TRPC5: variants seen among roughly 807,000 people sequenced by gnomAD.
TRPC5 encodes transient receptor potential cation channel subfamily C member 5.
TRPC5 carries 9 observed loss-of-function variants against 56.5 expected under a neutral mutation model. The ratio of observed to expected loss-of-function variants is 0.16; its 90% CI spans 0.10 to 0.28. TRPC5 has a LOEUF of 0.28. Among genes scored for constraint, TRPC5 ranks in the 10% least tolerant of loss-of-function variants. The pLI is 1.00. For missense variants in TRPC5, 469 were observed against 748.9 expected, an observed-to-expected ratio of 0.63 and a Z score of 4.36; for synonymous variants, 282 against 278.5, an observed-to-expected ratio of 1.01 and a Z score of -0.13.
chrX:111,810,891 C>A lies in TRPC5; in HGVS notation c.1896+24030G>T, dbSNP rs183170373. Among the ~76,000 whole-genome samples the A allele has an allele frequency of 6.3e-5, 7 of 111,612 alleles. No homozygotes were observed. The East Asian group carries it at 2.0e-3, about 31-fold the overall frequency. ...AGAAGAATGGTTTTAACATTATTAC[C>A]TTATGGCAATAGGGAATAAAAAAAT... is the stretch of plus-strand genomic sequence containing the variant. On this transcript the variant is annotated intron_variant, in intron 7 of 10. Coordinates refer to ENST00000262839, the MANE Select transcript of TRPC5 (RefSeq NM_012471.3).
intron 1 of TRPC5, among the ~76,000 whole-genome samples, chrX:112,012,289 G>A (rs746683482): frequency 3.6e-5 from 4 of 111,968 alleles, no homozygotes; most frequent in Non-Finnish European, 7.5e-5. Context: ...ACTGCAGTTC[G>A]GTGTGATTCC....
At chrX:111,958,137 G>A (rs956855342) in intron 1 of TRPC5, among the ~76,000 whole-genome samples, 1 of 111,485 alleles carries the variant, frequency 9.0e-6, no homozygotes, top group African/African-American at 3.3e-5. Flanking sequence ...GATCACATAG[G>A]GGTCCTTACA....
chrX:112,064,679 G>A (rs1186807591), intron 1 of TRPC5, among the ~76,000 whole-genome samples: 4 of 112,175 alleles, frequency 3.6e-5, no homozygotes, highest in Non-Finnish European at 7.5e-5. Context: ...GAAAAGTTTA[G>A]GAATGAGTAT....
At chrX:112,028,716 A>T (rs1365643546) in intron 1 of TRPC5, among the ~76,000 whole-genome samples, 1 of 112,153 alleles carries the variant, frequency 8.9e-6, no homozygotes, top group Non-Finnish European at 1.9e-5. Flanking sequence ...TGCTATTGTG[A>T]ATAGTGCCAC....
intron 3 of TRPC5, among the ~76,000 whole-genome samples, chrX:111,900,120 C>G (rs1215649232): frequency 8.9e-6 from 1 of 111,765 alleles, no homozygotes; most frequent in East Asian, 2.8e-4. Flanking sequence ...AATCACAGAC[C>G]ATCTGGCTGA....
chrX:111,842,416 G>T (rs1206388729), intron 6 of TRPC5, among the ~76,000 whole-genome samples: 2 of 110,698 alleles, frequency 1.8e-5, no homozygotes, highest in Non-Finnish European at 3.8e-5. Context: ...GGGATTACAG[G>T]CATGAGCCAC....
chrX:112,005,350 G>T (rs758264193), intron 1 of TRPC5, among the ~76,000 whole-genome samples: 6 of 108,065 alleles, frequency 5.6e-5, no homozygotes, highest in African/African-American at 2.0e-4. Context: ...GAAAAATAAT[G>T]GGTACTAGGC....
chrX:111,840,504 T>A (rs962273417), intron 6 of TRPC5, among the ~76,000 whole-genome samples: 2 of 112,646 alleles, frequency 1.8e-5, no homozygotes, highest in African/African-American at 3.2e-5. Context: ...ATTCATTTTT[T>A]AAAAAATATT....
chrX:111,954,864 A>G (rs1927189806), intron 1 of TRPC5, among the ~76,000 whole-genome samples: 1 of 112,036 alleles, frequency 8.9e-6, no homozygotes, highest in East Asian at 2.8e-4. Flanking sequence ...ATTATGTGCC[A>G]GGCACTGTGC....
chrX:111,962,839 G>A (rs7886068), intron 1 of TRPC5, among the ~76,000 whole-genome samples: 6 of 111,408 alleles, frequency 5.4e-5, no homozygotes, highest in East Asian at 2.8e-4. Flanking sequence ...AGAAATTGCC[G>A]GGGGTGGAGC....
intron 1 of TRPC5, among the ~76,000 whole-genome samples, chrX:112,015,484 G>A (rs1402230581): frequency 4.5e-5 from 5 of 111,046 alleles, no homozygotes; most frequent in East Asian, 2.8e-4. Flanking sequence ...CTCTCAAAAC[G>A]TTGGGATTAC....
chrX:111,869,804 G>C (rs767302101), intron 3 of TRPC5, among the ~76,000 whole-genome samples: 1 of 111,152 alleles, frequency 9.0e-6, no homozygotes, highest in African/African-American at 3.3e-5. Flanking sequence ...ACAGAGGAGA[G>C]TTCTGGAAGT....
At chrX:111,999,526 C>CA (rs764795224) in intron 1 of TRPC5, among the ~76,000 whole-genome samples, 105 of 112,111 alleles carry the variant, frequency 9.4e-4, no homozygotes, top group Non-Finnish European at 1.7e-3. Context: ...TGTTGATGAG[C>CA]ACTTAGATTG....
chrX:112,003,607 G>A lies in TRPC5; in HGVS notation c.-21-51166C>T, dbSNP rs772113695. The stretch of plus-strand genomic sequence containing the variant: ...GTTTGCATATGCAAGGTTGTAGGAG[G>A]TTTAGTGTCCTGGTCCCTGCACACT... On this transcript the variant is annotated intron_variant, in intron 1 of 10. Coordinates refer to ENST00000262839, the MANE Select transcript of TRPC5 (RefSeq NM_012471.3). Among the ~76,000 whole-genome samples the A allele has an allele frequency of 1.5e-4, 17 of 110,642 alleles. No individual in the cohort carries two copies. The South Asian group carries it at 6.6e-3, about 43-fold the overall frequency.
intron 2 of TRPC5, among the ~76,000 whole-genome samples, chrX:111,921,606 T>A (rs1462613187): frequency 9.0e-6 from 1 of 111,153 alleles, no homozygotes; most frequent in Non-Finnish European, 1.9e-5. Flanking sequence ...ATCATGTTTT[T>A]TAAAAGGAAA....
chrX:111,792,253 A>G (rs1453108938), intron 7 of TRPC5, among the ~76,000 whole-genome samples: 1 of 110,990 alleles, frequency 9.0e-6, no homozygotes, highest in Non-Finnish European at 1.9e-5. Context: ...TGGGAGTTGA[A>G]CAATGAGAAC....
intron 7 of TRPC5, among the ~76,000 whole-genome samples, chrX:111,810,586 A>G (rs1180043398): frequency 5.4e-5 from 6 of 112,101 alleles, no homozygotes; most frequent in Non-Finnish European, 1.1e-4. Context: ...ATCAATTCAC[A>G]TATAATTATT....
At chrX:111,923,871 C>T (rs760221361) in intron 2 of TRPC5, among the ~76,000 whole-genome samples, 7 of 112,211 alleles carry the variant, frequency 6.2e-5, no homozygotes, top group Admixed American at 5.7e-4. Context: ...GGAAGGAAGC[C>T]GTACTCTACC....
At chrX:111,987,541 C>T (rs1395674719) in intron 1 of TRPC5, among the ~76,000 whole-genome samples, 1 of 111,386 alleles carries the variant, frequency 9.0e-6, no homozygotes, top group Non-Finnish European at 1.9e-5. Flanking sequence ...TGTTTCTATT[C>T]ATTCAACTTT....
Sources: allele counts gnomAD v4.1 joint callset (sites outside exome capture counted in the v4.1 genomes callset), GRCh38; gene constraint gnomAD v4.1.1; transcripts MANE v1.5; gene names NCBI Gene and HGNC (gene_info 2026-07-23, HGNC 2026-07-21).